TBCD: variants seen among roughly 807,000 people sequenced by gnomAD.
TBCD encodes the protein tubulin folding cofactor D.
Under a neutral mutation model 169.3 loss-of-function variants are expected in TBCD, and 105 were observed. The observed-to-expected ratio is 0.62, with a 90% CI of 0.53 to 0.73. TBCD has a LOEUF of 0.73. Ranked by LOEUF, TBCD falls within the 30% of genes least tolerant of loss-of-function variation. The pLI is 0.00. For synonymous variants in TBCD, 700 were observed against 643.9 expected (o/e 1.09, Z -1.32); for missense variants, 1,444 against 1,600.1 (o/e 0.90, Z 1.66).
intron 14 of TBCD, among the ~76,000 whole-genome samples, chr17:82,870,680 T>C (rs1191422532): frequency 6.6e-6 from 1 of 152,182 alleles, no homozygotes. Flanking sequence ...CCGGAGGTCT[T>C]GGTCACCCTG....
chr17:82,753,337 C>T (rs2047216445), intron 1 of TBCD, among the ~76,000 whole-genome samples: 1 of 150,954 alleles, frequency 6.6e-6, no homozygotes, highest in African/African-American at 2.4e-5. Context: ...TAAGCTGGGG[C>T]GGATAACGAT....
Position 82,900,699 on chromosome 17 carries a change from C to T in TBCD, c.1698C>T (p.His566=), listed in dbSNP as rs753730224. The change falls in exon 18 of 39, where the codon CAC becomes CAT. Residue 566 remains histidine (H), a synonymous_variant. Coordinates refer to ENST00000355528, the MANE Select transcript of TBCD (RefSeq NM_005993.5). ...FPEYTQPMID[H]LVTMKISHWD... is the part of the protein sequence containing the mutation. ...AGTACACGCAGCCAATGATAGACCA[C>T]CTGGTTACCATGAAGATCAGCCACT... 5 of 1,614,002 alleles carry T rather than the reference C, an allele frequency of 3.1e-6. No homozygotes were observed. In the East Asian group the frequency reaches 6.7e-5, roughly 22 times the overall value.
In TBCD at chr17:82,864,697, T is replaced by TTGGTGCG. The variant is rs1370318842; in HGVS notation, c.1319-5524_1319-5518dup. On this transcript the variant is annotated intron_variant, in intron 13 of 38. Coordinates refer to ENST00000355528, the MANE Select transcript of TBCD (RefSeq NM_005993.5). This position sits in a 1 kb window ranked among gnomAD's most constrained non-coding sequence, Gnocchi z 6.3. ...CCTGTGGAAAGAGCGGGCTTGGGGC[T>TTGGTGCG]TGGTGCGTGATCCCACCGAGGCCGG... 6.6e-6 allele frequency among the ~76,000 whole-genome samples: 1 copy of TTGGTGCG among 152,046 alleles called. No homozygotes were observed. The highest frequency in any genetic ancestry group is 6.5e-5 in the Admixed American group (1 of 15,274).
At chr17:82,907,287 C>A (rs912206790) in intron 20 of TBCD, among the ~76,000 whole-genome samples, 1 of 152,236 alleles carries the variant, frequency 6.6e-6, no homozygotes, top group African/African-American at 2.4e-5. Flanking sequence ...CTCAGCCTCA[C>A]CTGGACCTGT....
At chr17:82,837,595 G>A (rs2145384656) in intron 13 of TBCD, among the ~76,000 whole-genome samples, 1 of 152,278 alleles carries the variant, frequency 6.6e-6, no homozygotes, top group South Asian at 2.1e-4. Flanking sequence ...GCTTTCATTT[G>A]AGAACTGCAG....
At chr17:82,821,003 TGG>T (rs996541744) in intron 13 of TBCD, among the ~76,000 whole-genome samples, 3 of 152,204 alleles carry the variant, frequency 2.0e-5, no homozygotes, top group African/African-American at 7.2e-5. Context: ...TCGCCCAGGC[TGG>T]AGTGCAGTGG....
intron 17 of TBCD, among the ~76,000 whole-genome samples, chr17:82,893,894 C>T (rs1485328246): frequency 6.6e-6 from 1 of 152,218 alleles, no homozygotes. Context: ...AGGAGTGCGG[C>T]CTTGCCGTGA....
rs2063513393 is a variant in TBCD at position 82,944,166 on chromosome 17, C to T, written c.*1703C>T. The T allele has an allele frequency of 6.6e-6, 1 of 152,232 alleles. No individual in the cohort carries two copies. The highest frequency in any genetic ancestry group is 1.9e-4 in the East Asian group (1 of 5,194). 9.4% of individuals were successfully genotyped at this position (152,232 alleles called of 1,614,324 possible). On this transcript the variant is annotated 3_prime_UTR_variant, in exon 39 of 39. Transcript: ENST00000355528. Reference sequence around the variant, plus strand: ...AAGACATGGAGGCAGGTCGATTACCCACCCAGACCCATCAGTGACACTATG... The same window carrying T: ...AAGACATGGAGGCAGGTCGATTACCTACCCAGACCCATCAGTGACACTATG...
At chr17:82,777,154 A>G (rs747493111) in intron 6 of TBCD, among the ~76,000 whole-genome samples, 106 of 152,208 alleles carry the variant, frequency 7.0e-4, no homozygotes, top group Non-Finnish European at 1.3e-3. Flanking sequence ...TCTTATTAAG[A>G]GATTTAACAA....
intron 35 of TBCD, chr17:82,937,593 G>C (rs1050745946): frequency 1.3e-5 from 8 of 604,778 alleles, no homozygotes; most frequent in Non-Finnish European, 2.3e-5. Context: ...TGCTGCCCTC[G>C]CGCTCTGCCC....
rs2058976418 is a variant in TBCD at position 82,889,438 on chromosome 17, A to G, written c.1534-230A>G. On this transcript the variant is annotated intron_variant, in intron 15 of 38. Transcript: ENST00000355528. The surrounding 1 kb of genome is among the most constrained non-coding windows in gnomAD (Gnocchi z 5.3). ...GGCTCAGTGGTAAAGGCCACTTTTC[A>G]GGATGTGTCTGATTTTATAAACTTG... 6.6e-6 allele frequency among the ~76,000 whole-genome samples: 1 copy of G among 152,204 alleles called. No homozygotes were observed.
chr17:82,800,144 A>G (rs2050398631), intron 8 of TBCD, among the ~76,000 whole-genome samples: 1 of 151,302 alleles, frequency 6.6e-6, no homozygotes, highest in Non-Finnish European at 1.5e-5. Flanking sequence ...AGTTGGTTGC[A>G]GTCTTGTCCA....
At chr17:82,869,934 G>A (rs2057438274) in intron 13 of TBCD, among the ~76,000 whole-genome samples, 1 of 151,444 alleles carries the variant, frequency 6.6e-6, no homozygotes, top group African/African-American at 2.5e-5. Flanking sequence ...GCAGACCCCT[G>A]GGTGGTATCA....
intron 23 of TBCD, among the ~76,000 whole-genome samples, chr17:82,914,388 G>A (rs867197172): frequency 1.4e-4 from 21 of 152,206 alleles, no homozygotes; most frequent in South Asian, 4.1e-4. Context: ...ATCCCTCAGG[G>A]TTCACGGCAG....
At chr17:82,842,288 G>A (rs1182994593) in intron 13 of TBCD, among the ~76,000 whole-genome samples, 2 of 152,252 alleles carry the variant, frequency 1.3e-5, no homozygotes, top group African/African-American at 4.8e-5. Flanking sequence ...CTCCTTGGGA[G>A]CTGAGACGGC....
chr17:82,788,325 G>A (rs2049455055), intron 7 of TBCD, among the ~76,000 whole-genome samples: 1 of 152,090 alleles, frequency 6.6e-6, no homozygotes, highest in Admixed American at 6.5e-5. Flanking sequence ...GGTTTCTAGT[G>A]CTCTGATTGG....
At position 82,804,737 on chromosome 17, in the gene TBCD, ACT is replaced by A. The variant is rs771143667; in HGVS notation, c.951-1135_951-1134del. On this transcript the variant is annotated intron_variant, in intron 9 of 38. Transcript: ENST00000355528. Reference sequence around the variant, plus strand: ...TTTGGAAGGTGGCAGCTCTCACCAGACTCTGCGTATTCTGTTCCTTGGGAGGG... The same window carrying A: ...TTTGGAAGGTGGCAGCTCTCACCAGACTGCGTATTCTGTTCCTTGGGAGGG... Among the ~76,000 whole-genome samples the A allele has an allele frequency of 1.8e-4, 28 of 151,832 alleles. 1 individual carries two copies. The highest frequency in any genetic ancestry group is 4.1e-4 in the Non-Finnish European group (28 of 67,934).
chr17:82,804,916 G>C (rs947647224), intron 9 of TBCD, among the ~76,000 whole-genome samples: 1 of 152,230 alleles, frequency 6.6e-6, no homozygotes, highest in Non-Finnish European at 1.5e-5. Context: ...GAAGCAGGTT[G>C]ATGGCATCAG....
chr17:82,832,493 C>T lies in TBCD; in HGVS notation c.1318+17559C>T, dbSNP rs761230397. ...CCTTGGACTCTGGCTGTCCAGGTGG[C>T]GTGATCACTGTCGACGCCGCGTGCA... On this transcript the variant is annotated intron_variant, in intron 13 of 38. Transcript: ENST00000355528. The surrounding 1 kb of genome is among the most constrained non-coding windows in gnomAD (Gnocchi z 4.9). The T allele has an allele frequency of 1.5e-5, 23 of 1,583,254 alleles. No homozygotes were observed. In the Middle Eastern group the frequency reaches 8.3e-4, roughly 57 times the overall value.
Sources: allele counts gnomAD v4.1 joint callset (sites outside exome capture counted in the v4.1 genomes callset), GRCh38; gene constraint gnomAD v4.1.1; non-coding constraint Gnocchi (gnomAD v3.1); transcripts MANE v1.5; gene names NCBI Gene and HGNC (gene_info 2026-07-23, HGNC 2026-07-21).